JAK1: variants seen among roughly 807,000 people sequenced by gnomAD.
JAK1 encodes the protein tyrosine-protein kinase JAK1.
JAK1 carries 16 observed loss-of-function variants against 136.6 expected under a neutral mutation model. The ratio of observed to expected loss-of-function variants is 0.12; its 90% CI spans 0.08 to 0.18. The LOEUF is 0.18. Ranked by LOEUF, JAK1 falls within the 10% of genes least tolerant of loss-of-function variation. The pLI, the probability that JAK1 is intolerant of heterozygous loss-of-function variation, is 1.00. For synonymous variants in JAK1, 492 were observed against 519.5 expected, an observed-to-expected ratio of 0.95 and a Z score of 0.72; for missense variants, 859 against 1,450.1, an observed-to-expected ratio of 0.59 and a Z score of 6.62.
chr1:64,963,909 C>T (rs1246885077), intron 1 of JAK1, among the ~76,000 whole-genome samples: 2 of 152,094 alleles, frequency 1.3e-5, no homozygotes, highest in East Asian at 3.9e-4. Context: ...AGCCTCTAAC[C>T]ACTAGATGCC....
At chr1:64,912,491 A>T (rs1645301032) in intron 1 of JAK1, among the ~76,000 whole-genome samples, 1 of 152,166 alleles carries the variant, frequency 6.6e-6, no homozygotes, top group Non-Finnish European at 1.5e-5. Flanking sequence ...ACCATAACCA[A>T]CGTCTTCTAA....
At chr1:65,052,741 GA>G (rs1647337615) in intron 1 of JAK1, among the ~76,000 whole-genome samples, 1 of 151,654 alleles carries the variant, frequency 6.6e-6, no homozygotes, top group Non-Finnish European at 1.5e-5. Context: ...GTGAACCCGG[GA>G]GGCAGAGCTT....
chr1:64,854,577 C>T (rs549865160), intron 11 of JAK1, among the ~76,000 whole-genome samples: 1 of 152,296 alleles, frequency 6.6e-6, no homozygotes, highest in East Asian at 1.9e-4. Flanking sequence ...GACTGTGTGA[C>T]CTCTACGTGT....
intron 1 of JAK1, among the ~76,000 whole-genome samples, chr1:64,931,080 T>A (rs962294160): frequency 1.3e-5 from 2 of 152,120 alleles, no homozygotes; most frequent in Non-Finnish European, 2.9e-5. Flanking sequence ...CAAACCACCA[T>A]GGCACGTGTA....
At chr1:64,974,495 A>G (rs1569795813) in intron 2 of JAK1, 1 of 152,252 alleles carries the variant, frequency 6.6e-6, no homozygotes, top group South Asian at 2.1e-4. Flanking sequence ...ATAAGAAGGT[A>G]TATATAAACT....
chr1:64,893,411 G>C (rs1214170310), intron 1 of JAK1, among the ~76,000 whole-genome samples: 1 of 141,864 alleles, frequency 7.0e-6, no homozygotes, highest in Non-Finnish European at 1.5e-5. Flanking sequence ...AAAAAGTATT[G>C]GATGCCCTCC....
At chr1:64,986,974 G>C (rs956779006) in intron 2 of JAK1, among the ~76,000 whole-genome samples, 1 of 152,104 alleles carries the variant, frequency 6.6e-6, no homozygotes, top group African/African-American at 2.4e-5. Flanking sequence ...TATTAGCAGG[G>C]ACCAAGGCCT....
At position 64,855,499 on chromosome 1, in the gene JAK1, G is replaced by A; in HGVS notation, c.1648+10C>T. On this transcript the variant is annotated intron_variant, in intron 11 of 24. Coordinates refer to ENST00000342505, the MANE Select transcript of JAK1 (RefSeq NM_002227.4). The stretch of plus-strand genomic sequence containing the variant: ...GGGATACAGCCTGGCTCTGGCACAG[G>A]GAGACGAACCTCGGGGCTTGGGCTG... 6.2e-7 allele frequency: 1 copy of A among 1,613,090 alleles called. No homozygotes were observed. The highest frequency in any genetic ancestry group is 8.5e-7 in the Non-Finnish European group (1 of 1,179,428).
At chr1:64,869,160 C>G in intron 6 of JAK1, 151 bp downstream of exon 6, 1 of 652,458 alleles carries the variant, frequency 1.5e-6, no homozygotes. Flanking sequence ...AATTAGGCTA[C>G]GTGTATGTAG....
intron 11 of JAK1, 98 bp from the exon 12 acceptor site, chr1:64,851,008 G>T: frequency 1.3e-6 from 1 of 770,914 alleles, no homozygotes; most frequent in South Asian, 1.5e-5. Context: ...CCGGTGTGCG[G>T]GCGCTTGCTG....
At chr1:64,954,973 A>T (rs978355303) in intron 1 of JAK1, among the ~76,000 whole-genome samples, 1 of 152,210 alleles carries the variant, frequency 6.6e-6, no homozygotes, top group Non-Finnish European at 1.5e-5. Flanking sequence ...TTATTTATCT[A>T]AGCCACTGGC....
intron 1 of JAK1, among the ~76,000 whole-genome samples, chr1:64,938,691 C>T (rs1645834124): frequency 6.6e-6 from 1 of 152,166 alleles, no homozygotes; most frequent in Non-Finnish European, 1.5e-5. Flanking sequence ...TCTCCAACAC[C>T]AAACCATACA....
At chr1:64,838,691 G>T in intron 20 of JAK1, 102 bp from the exon 21 acceptor site, 1 of 1,149,566 alleles carries the variant, frequency 8.7e-7, no homozygotes, top group Non-Finnish European at 1.2e-6. Context: ...GGTGACGCCA[G>T]CTTCGCCCCT....
intron 2 of JAK1, among the ~76,000 whole-genome samples, chr1:64,998,843 G>A (rs1646727529): frequency 6.6e-6 from 1 of 152,148 alleles, no homozygotes; most frequent in South Asian, 2.1e-4. Context: ...CAGCCATGTG[G>A]AACTTTGAGA....
At chr1:64,862,028 A>G (rs1216451740) in intron 8 of JAK1, among the ~76,000 whole-genome samples, 3 of 152,226 alleles carry the variant, frequency 2.0e-5, no homozygotes, top group Non-Finnish European at 4.4e-5. Flanking sequence ...TGTAGAGAGA[A>G]GTGATACATG....
rs186753911 is a variant in JAK1 at position 65,062,879 on chromosome 1, A to G, written c.-181+4725T>C. On this transcript the variant is annotated intron_variant, in intron 1 of 25. Coordinates refer to the JAK1 transcript ENST00000671954. ...CCTCTCCATTTCTCAGGGAGCCTCT[A>G]AACAGTTATCAACAAGAGTATGTTT... is the stretch of plus-strand genomic sequence containing the variant. Among the ~76,000 whole-genome samples the G allele has an allele frequency of 2.1e-3, 321 of 152,334 alleles. 1 individual carries two copies. The highest frequency in any genetic ancestry group is 7.4e-3 in the African/African-American group (308 of 41,580).
At chr1:64,885,332 G>A (rs1483705109) in intron 2 of JAK1, among the ~76,000 whole-genome samples, 1 of 152,172 alleles carries the variant, frequency 6.6e-6, no homozygotes, top group Non-Finnish European at 1.5e-5. Context: ...ATAAACCTTT[G>A]TCCTTGAGAG....
At position 64,948,693 on chromosome 1, in the gene JAK1, G is replaced by C. The variant is rs181763482; in HGVS notation, c.-78+17640C>G. Among the ~76,000 whole-genome samples the C allele has an allele frequency of 2.0e-3, 307 of 152,274 alleles. 1 individual carries two copies. The highest frequency in any genetic ancestry group is 7.2e-3 in the African/African-American group (300 of 41,570). Reference sequence around the variant, plus strand: ...AATTTAATCATAACAGGGGAAAAAAGAAGACTCTATTTTTTGTGGAAGGCT... The same window carrying C: ...AATTTAATCATAACAGGGGAAAAAACAAGACTCTATTTTTTGTGGAAGGCT... On this transcript the variant is annotated intron_variant, in intron 1 of 24. Coordinates refer to ENST00000342505, the MANE Select transcript of JAK1 (RefSeq NM_002227.4).
chr1:64,899,302 T>C (rs1250834973), intron 1 of JAK1, among the ~76,000 whole-genome samples: 1 of 152,194 alleles, frequency 6.6e-6, no homozygotes, highest in Non-Finnish European at 1.5e-5. Flanking sequence ...TAAATTAAAA[T>C]TGTTTATCTA....
Sources: allele counts gnomAD v4.1 joint callset (sites outside exome capture counted in the v4.1 genomes callset), GRCh38; gene constraint gnomAD v4.1.1; transcripts MANE v1.5; gene names NCBI Gene and HGNC (gene_info 2026-07-23, HGNC 2026-07-21).